Variants in SAFB observed in about 807,000 individuals in gnomAD.
SAFB encodes the protein scaffold attachment factor B.
A neutral mutation model predicts 101.6 loss-of-function variants in SAFB; 15 were observed. The observed-to-expected ratio is 0.15, with a 90% CI of 0.10 to 0.23. The LOEUF (loss-of-function observed/expected upper bound fraction) is 0.23. SAFB is among the 10% of genes least tolerant of loss of function. The pLI, the probability that SAFB is intolerant of heterozygous loss-of-function variation, is 1.00. For synonymous variants in SAFB, 449 were observed against 407.5 expected, an observed-to-expected ratio of 1.10 and a Z score of -1.23; for missense variants, 930 against 1,104.1, an observed-to-expected ratio of 0.84 and a Z score of 2.23.
chr19:5,650,960 A>G lies in SAFB; in HGVS notation c.1199-18A>G, dbSNP rs760503367. On this transcript the variant is annotated intron_variant, in intron 8 of 20. Transcript: ENST00000588852. ...TTGTGGGTATTTGGGTTTTTACTAG[A>G]ATTTTCTTTTGAAATAGGTCGCAGC... 8 of 1,530,888 alleles carry G rather than the reference A, an allele frequency of 5.2e-6. No individual in the cohort carries two copies. In the East Asian group the frequency reaches 1.8e-4, roughly 35 times the overall value. The allele number at this position is 1,530,888 out of a possible 1,614,324, so 94.8% of individuals were successfully genotyped here.
rs746487162 is a variant in SAFB, at chr19:5,664,109, C to A, written c.2241C>A (p.His747Gln). The A allele has an allele frequency of 6.2e-7, 1 of 1,613,960 alleles. No homozygotes were observed. Residue 747 changes from histidine to glutamine, a missense_variant, in exon 16 of 21, where the codon CAC becomes CAA. Transcript: ENST00000588852. The part of the protein sequence containing the change: ...HSDFNRQDRF[H>Q]DFDHRDRGRY... ...ACTTTAACCGCCAGGACCGCTTCCA[C>A]GACTTTGACCACAGGGACCGCGGCC...
intron 14 of SAFB, among the ~76,000 whole-genome samples, chr19:5,659,113 A>G (rs1408355565): frequency 3.4e-5 from 5 of 149,078 alleles, no homozygotes; most frequent in Admixed American, 6.6e-5. Context: ...CTGCACTCCA[A>G]CCTGGGTGAC....
At chr19:5,655,357 C>G (rs540359985) in intron 13 of SAFB, among the ~76,000 whole-genome samples, 77 of 150,182 alleles carry the variant, frequency 5.1e-4, no homozygotes, top group Non-Finnish European at 8.1e-4. Context: ...ACTCAAAAGG[C>G]TGAGGTGGGA....
chr19:5,665,526 G>A (rs1432172096), intron 17 of SAFB: 5 of 151,554 alleles, frequency 3.3e-5, no homozygotes, highest in African/African-American at 1.2e-4. Context: ...ATAGAGACGG[G>A]ATCTCACTAT....
chr19:5,651,477 G>C (rs981350740), intron 9 of SAFB, among the ~76,000 whole-genome samples: 1 of 152,210 alleles, frequency 6.6e-6, no homozygotes, highest in Non-Finnish European at 1.5e-5. Context: ...GGAGTCTGAT[G>C]ATAGGGGTCC....
chr19:5,660,855 C>T (rs1346467181), intron 14 of SAFB, among the ~76,000 whole-genome samples: 3 of 151,160 alleles, frequency 2.0e-5, no homozygotes, highest in Non-Finnish European at 2.9e-5. Context: ...AGCCCCACCT[C>T]ACAAAGACTC....
At position 5,667,589 on chromosome 19, in the gene SAFB, A is replaced by AC; in HGVS notation, c.2557+141dup. ...ATGAGGAATGAAGAGCACTCCAGACACCGCCTGCTCTCTGGTGGTCTGGCC... is the reference window on the plus strand; with the variant it reads ...ATGAGGAATGAAGAGCACTCCAGACACCCGCCTGCTCTCTGGTGGTCTGGCC... On this transcript the variant is annotated intron_variant, in intron 19 of 20. Coordinates refer to ENST00000588852, the MANE Select transcript of SAFB (RefSeq NM_001201338.2). This position sits in a 1 kb window ranked among gnomAD's most constrained non-coding sequence, Gnocchi z 4.0. 1.4e-6 allele frequency: 1 copy of AC among 714,402 alleles called. No individual in the cohort carries two copies. The allele number at this position is 714,402 out of a possible 1,614,324, so 44.3% of individuals were successfully genotyped here.
intron 2 of SAFB, among the ~76,000 whole-genome samples, chr19:5,634,824 G>A (rs1353096535): frequency 6.6e-6 from 1 of 152,066 alleles, no homozygotes; most frequent in Non-Finnish European, 1.5e-5. Flanking sequence ...TAAGATTTTT[G>A]CCTATCAAAC....
chr19:5,640,648 G>A (rs758587363), intron 2 of SAFB, among the ~76,000 whole-genome samples: 31 of 152,156 alleles, frequency 2.0e-4, no homozygotes, highest in Middle Eastern at 3.4e-3. Flanking sequence ...GGAGTGCAGC[G>A]GCACGATCTC....
At chr19:5,647,856 T>C (rs957487347) in intron 5 of SAFB, among the ~76,000 whole-genome samples, 160 bp from the exon 6 acceptor site, 1 of 152,210 alleles carries the variant, frequency 6.6e-6, no homozygotes, top group African/African-American at 2.4e-5. Context: ...GCCAGTCTTA[T>C]GGAGCCATTC....
chr19:5,645,498 A>C (rs2053809081), intron 5 of SAFB, 99 bp downstream of exon 5: 4 of 631,656 alleles, frequency 6.3e-6, no homozygotes, highest in South Asian at 5.5e-5. Flanking sequence ...GCTAATAATC[A>C]CCACAAGGGT....
intron 2 of SAFB, among the ~76,000 whole-genome samples, chr19:5,635,126 G>A (rs958401842): frequency 2.6e-5 from 4 of 152,140 alleles, no homozygotes; most frequent in African/African-American, 9.6e-5. Context: ...CAACAAGAGC[G>A]AAACTCCATC....
intron 2 of SAFB, among the ~76,000 whole-genome samples, chr19:5,630,868 A>G (rs1053662356): frequency 1.3e-5 from 2 of 152,086 alleles, no homozygotes; most frequent in Non-Finnish European, 2.9e-5. Flanking sequence ...TGTATTTTGC[A>G]TGTGGTGTGA....
chr19:5,639,367 A>G (rs2053657639), intron 2 of SAFB, among the ~76,000 whole-genome samples: 1 of 152,196 alleles, frequency 6.6e-6, no homozygotes, highest in African/African-American at 2.4e-5. Flanking sequence ...AACCACTTAC[A>G]TTTTAAAAAC....
chr19:5,629,372 G>A (rs771011338), intron 2 of SAFB, among the ~76,000 whole-genome samples: 30 of 152,086 alleles, frequency 2.0e-4, no homozygotes, highest in Non-Finnish European at 2.9e-4. Context: ...TCAAGGCTGC[G>A]GTGAGCCATG....
intron 2 of SAFB, among the ~76,000 whole-genome samples, chr19:5,640,490 C>T (rs1335862491): frequency 6.6e-6 from 1 of 151,196 alleles, no homozygotes; most frequent in Admixed American, 6.6e-5. Flanking sequence ...CTCAGCCTCC[C>T]GAGTGGCTGG....
intron 13 of SAFB, among the ~76,000 whole-genome samples, chr19:5,655,969 T>C (rs1231100205): frequency 6.6e-6 from 1 of 152,128 alleles, no homozygotes; most frequent in Non-Finnish European, 1.5e-5. Context: ...AAAAAATTGG[T>C]GTTTTGATCT....
intron 8 of SAFB, 64 bp from the exon 9 acceptor site, chr19:5,650,913 GT>G (rs1191090993): frequency 9.6e-7 from 1 of 1,038,202 alleles, no homozygotes. Context: ...TTTTGGAAAG[GT>G]TGTCTCTAAG....
Position 5,649,989 on chromosome 19 carries a change from G to C in SAFB, c.1198+14G>C. The C allele has an allele frequency of 6.2e-7, 1 of 1,608,986 alleles. No homozygotes were observed. The highest frequency in any genetic ancestry group is 8.5e-7 in the Non-Finnish European group (1 of 1,175,340). On this transcript the variant is annotated intron_variant, in intron 8 of 20. Coordinates refer to ENST00000588852, the MANE Select transcript of SAFB (RefSeq NM_001201338.2). ...AAGAGGAAAAGGGTAGGTCACCTCGGCGACACCAGTCCCTTGGAGCATGTA... is the reference window on the plus strand; with the variant it reads ...AAGAGGAAAAGGGTAGGTCACCTCGCCGACACCAGTCCCTTGGAGCATGTA...
Sources: gnomAD v4.1 joint callset for allele counts (sites outside exome capture counted in the v4.1 genomes callset) on GRCh38, gnomAD v4.1.1 for gene constraint, Gnocchi (gnomAD v3.1) non-coding constraint, MANE v1.5 for transcripts, NCBI Gene and HGNC (gene_info 2026-07-23, HGNC 2026-07-21) for gene names.